The following FRY variants were observed in gnomAD, a reference collection of about 807,000 sequenced individuals.
FRY encodes the protein FRY microtubule binding protein, also known as protein furry homolog.
FRY carries 128 observed loss-of-function variants against 348.4 expected under a neutral mutation model. That is an observed-to-expected ratio of 0.37 (90% confidence interval 0.32 to 0.43). The LOEUF is 0.43. Ranked by LOEUF, FRY falls within the 20% of genes least tolerant of loss-of-function variation. The pLI, the probability that FRY is intolerant of heterozygous loss-of-function variation, is 1.00. For missense variants in FRY, 2,736 were observed against 3,695.2 expected (o/e 0.74, Z 6.73); for synonymous variants, 1,370 against 1,374.7 (o/e 1.00, Z 0.08).
rs1001927562 is a variant in FRY, at chr13:32,239,423, A to G, written c.6516+74A>G. ...ACGCCCTAGTGTCAGGCAAATTACA[A>G]GGCCCAGAGATGGCAGTGATTTTCT... On this transcript the variant is annotated intron_variant, in intron 45 of 60. Coordinates refer to ENST00000542859, the MANE Select transcript of FRY (RefSeq NM_023037.3). This position sits in a 1 kb window ranked among gnomAD's most constrained non-coding sequence, Gnocchi z 4.3. 14 of 884,534 alleles carry G rather than the reference A, an allele frequency of 1.6e-5. No homozygotes were observed. The African/African-American group carries it at 2.3e-4, about 14-fold the overall frequency. The allele number at this position is 884,534 out of a possible 1,614,324, so 54.8% of individuals were successfully genotyped here. A position where few individuals can be genotyped will look rare whatever the true frequency, so the allele number is the denominator to read the frequency against.
rs117392003 is a variant in FRY at position 32,144,934 on chromosome 13, G to A, written c.1180-2348G>A. Among the ~76,000 whole-genome samples the A allele has an allele frequency of 1.5e-3, 224 of 152,230 alleles. 7 individuals are homozygous for A. In the East Asian group the frequency reaches 0.034, roughly 23 times the overall value. ...TCAGGAGGAAATAATTAGTTTTAACGGGCTGGAATTGAAGGCATCAGGGAG... is the reference window on the plus strand; with the variant it reads ...TCAGGAGGAAATAATTAGTTTTAACAGGCTGGAATTGAAGGCATCAGGGAG... On this transcript the variant is annotated intron_variant, in intron 11 of 60. Transcript: ENST00000542859.
At chr13:32,083,318 T>C (rs1050244820) in intron 2 of FRY, among the ~76,000 whole-genome samples, 3 of 152,206 alleles carry the variant, frequency 2.0e-5, no homozygotes, top group Non-Finnish European at 2.9e-5. Context: ...CTTCTTATTT[T>C]CATTGTATTT....
At chr13:32,176,404 T>C (rs1882364322) in intron 20 of FRY, among the ~76,000 whole-genome samples, 1 of 152,222 alleles carries the variant, frequency 6.6e-6, no homozygotes, top group Admixed American at 6.5e-5. Flanking sequence ...GTGCAGATAC[T>C]TGTCAGATAA....
chr13:32,040,869 A>T (rs1268420120), intron 1 of FRY, among the ~76,000 whole-genome samples: 1 of 152,234 alleles, frequency 6.6e-6, no homozygotes, highest in East Asian at 1.9e-4. Context: ...AGTAGATATC[A>T]TGTTTCAGTT....
intron 7 of FRY, among the ~76,000 whole-genome samples, chr13:32,131,100 G>A (rs1286736988): frequency 6.6e-6 from 1 of 152,260 alleles, no homozygotes; most frequent in Non-Finnish European, 1.5e-5. Flanking sequence ...ACAGGCGAGC[G>A]CCACTGCGCC....
At chr13:32,157,913 G>T (rs1881207392) in intron 16 of FRY, among the ~76,000 whole-genome samples, 1 of 152,166 alleles carries the variant, frequency 6.6e-6, no homozygotes, top group South Asian at 2.1e-4. Context: ...ACTTGCATTT[G>T]CTGTTTTTGT....
chr13:32,254,512 A>AC, intron 51 of FRY, 118 bp downstream of exon 51: 2 of 1,060,402 alleles, frequency 1.9e-6, no homozygotes, highest in Non-Finnish European at 2.9e-6. Flanking sequence ...GGAAAGTTGT[A>AC]AACTTTATTT....
In FRY at chr13:32,236,063, T is replaced by A; in HGVS notation, c.5716-15T>A. 6.4e-7 allele frequency: 1 copy of A among 1,574,550 alleles called. No individual in the cohort carries two copies. ...TTACAAGCAATACAAAATGCTATCT[T>A]TGCATGTTTGGCAGGGTTATGTAAT... On this transcript the variant is annotated splice_polypyrimidine_tract_variant and intron_variant, in intron 42 of 60. Coordinates refer to ENST00000542859, the MANE Select transcript of FRY (RefSeq NM_023037.3).
intron 17 of FRY, among the ~76,000 whole-genome samples, chr13:32,168,506 AC>A (rs1593690475): frequency 6.6e-6 from 1 of 152,202 alleles, no homozygotes; most frequent in East Asian, 1.9e-4. Context: ...CTCTATATAA[AC>A]TTTTGTTGGA....
chr13:32,274,683 G>T (rs148517047), intron 55 of FRY, among the ~76,000 whole-genome samples, 159 bp from the exon 56 acceptor site: 1 of 120,394 alleles, frequency 8.3e-6, no homozygotes, highest in Non-Finnish European at 1.6e-5. Flanking sequence ...CAGCCTGGGC[G>T]ACAGAGCGAG....
intron 35 of FRY, among the ~76,000 whole-genome samples, chr13:32,214,950 T>G (rs1247064975): frequency 6.6e-6 from 1 of 152,218 alleles, no homozygotes; most frequent in East Asian, 1.9e-4. Flanking sequence ...ACAACTAGAT[T>G]AATGGTTCTT....
At chr13:32,263,899 T>C (rs1887795475) in intron 53 of FRY, among the ~76,000 whole-genome samples, 1 of 151,982 alleles carries the variant, frequency 6.6e-6, no homozygotes, top group Non-Finnish European at 1.5e-5. Flanking sequence ...TCCCAGCTAC[T>C]CAGGAGGCTG....
At chr13:32,120,469 T>A (rs189159849) in intron 4 of FRY, among the ~76,000 whole-genome samples, 16 of 152,172 alleles carry the variant, frequency 1.1e-4, no homozygotes, top group Non-Finnish European at 1.8e-4. Context: ...TTTTTAAACA[T>A]TTATTTATTT....
chr13:32,127,563 G>A (rs1030528007), intron 7 of FRY, among the ~76,000 whole-genome samples: 3 of 152,110 alleles, frequency 2.0e-5, no homozygotes, highest in Admixed American at 6.5e-5. Flanking sequence ...GGATCACAAG[G>A]CCAGGAGATC....
At chr13:32,085,725 T>C in intron 2 of FRY, 1 of 366,512 alleles carries the variant, frequency 2.7e-6, no homozygotes, top group South Asian at 2.1e-5. Context: ...TCCTCAGAAG[T>C]CAGCCTGGTG....
At chr13:32,036,922 C>A (rs376434462) in intron 1 of FRY, among the ~76,000 whole-genome samples, 4 of 151,964 alleles carry the variant, frequency 2.6e-5, no homozygotes, top group African/African-American at 9.7e-5. Context: ...TAGGTACTTT[C>A]ATTTTTAGTT....
chr13:32,073,544 G>GGT (rs35631279), intron 1 of FRY, among the ~76,000 whole-genome samples: 3,620 of 148,556 alleles, frequency 0.024, 59 homozygotes, highest in East Asian at 0.05. Flanking sequence ...TATGTGGGCG[G>GGT]GTGTGTGTGT....
chr13:32,110,940 T>A (rs1039401608), intron 3 of FRY, among the ~76,000 whole-genome samples: 4 of 152,180 alleles, frequency 2.6e-5, no homozygotes, highest in African/African-American at 9.7e-5. Context: ...CTACTATGCT[T>A]TGGCATTTCA....
At chr13:32,141,019 G>A (rs1880031822) in intron 11 of FRY, among the ~76,000 whole-genome samples, 1 of 152,022 alleles carries the variant, frequency 6.6e-6, no homozygotes. Context: ...TAATTTTCAA[G>A]ATGTAGTTAT....
Sources: allele counts gnomAD v4.1 joint callset (sites outside exome capture counted in the v4.1 genomes callset), GRCh38; gene constraint gnomAD v4.1.1; non-coding constraint Gnocchi (gnomAD v3.1); transcripts MANE v1.5; gene names NCBI Gene and HGNC (gene_info 2026-07-23, HGNC 2026-07-21).